Variants in DPYD observed in about 807,000 individuals in gnomAD.
DPYD encodes dihydropyrimidine dehydrogenase.
In DPYD, 109 loss-of-function variants were observed where a neutral mutation model predicts 116.2. The ratio of observed to expected loss-of-function variants is 0.94; its 90% confidence interval spans 0.80 to 1.10. The LOEUF is 1.10. DPYD is among the 50% of genes least tolerant of loss of function. The pLI is 0.00. For missense variants in DPYD, 1,302 were observed against 1,254.5 expected (o/e 1.04, Z -0.57); for synonymous variants, 440 against 432.0 (o/e 1.02, Z -0.23).
In DPYD at chr1:97,672,799, T is replaced by C. The variant is rs796793462; in HGVS notation, c.850+6296A>G. 1.2e-4 allele frequency among the ~76,000 whole-genome samples: 18 copies of C among 152,308 alleles called. No homozygotes were observed. The South Asian group carries it at 3.7e-3, about 32-fold the overall frequency. ...TTTGTGAAGGCATGAGAGATTTAAC[T>C]AAAGGCCACTCTGTAGCAAATTTAA... is the stretch of plus-strand genomic sequence containing the variant. On this transcript the variant is annotated intron_variant, in intron 8 of 22. Transcript: ENST00000370192.
In DPYD at chr1:97,195,586, ATATATATATG is replaced by A. The variant is rs1330588355; in HGVS notation, c.2443-2348_2443-2339del. Among the ~76,000 whole-genome samples the A allele has an allele frequency of 1.1e-3, 56 of 51,540 alleles. 3 individuals are homozygous for A. Among genetic ancestry groups the A allele is most frequent in the African/African-American group, 3.4e-3 (43 of 12,622 alleles). The allele number at this position is 51,540 out of a possible 152,430, so 33.8% of individuals were successfully genotyped here. A position where few individuals can be genotyped will look rare whatever the true frequency, so the allele number is the denominator to read the frequency against. On this transcript the variant is annotated intron_variant, in intron 19 of 22. Coordinates refer to ENST00000370192, the MANE Select transcript of DPYD (RefSeq NM_000110.4). ...AGAACTCTCATATATATATATATAT[ATATATATATG>A]TGTGTGTGTGTATATATATGTATGT...
intron 14 of DPYD, among the ~76,000 whole-genome samples, chr1:97,408,698 A>G (rs1398785917): frequency 6.6e-6 from 1 of 152,160 alleles, no homozygotes; most frequent in Non-Finnish European, 1.5e-5. Context: ...GGAGATTAAC[A>G]TTTGATTCAG....
intron 4 of DPYD, among the ~76,000 whole-genome samples, chr1:97,732,858 A>G (rs1663708738): frequency 6.6e-6 from 1 of 152,148 alleles, no homozygotes; most frequent in African/African-American, 2.4e-5. Context: ...TAGTCTGAAC[A>G]TGGTGCTCAA....
intron 14 of DPYD, among the ~76,000 whole-genome samples, chr1:97,449,765 A>T (rs1291786392): frequency 6.6e-6 from 1 of 152,202 alleles, no homozygotes; most frequent in East Asian, 1.9e-4. Context: ...CCAGCCACAT[A>T]CAGTGAAAAC....
chr1:97,628,915 T>C (rs1247373391), intron 8 of DPYD, among the ~76,000 whole-genome samples: 1 of 152,050 alleles, frequency 6.6e-6, no homozygotes, highest in Non-Finnish European at 1.5e-5. Flanking sequence ...TAGAACTAGA[T>C]ACCTTGAGTT....
intron 3 of DPYD, among the ~76,000 whole-genome samples, chr1:97,794,683 G>A (rs1459243652): frequency 6.6e-6 from 1 of 152,048 alleles, no homozygotes; most frequent in Admixed American, 6.6e-5. Flanking sequence ...CTTCTCTTCT[G>A]TAAAGTTACT....
chr1:97,185,396 G>T (rs777636799), intron 20 of DPYD, among the ~76,000 whole-genome samples: 22 of 152,112 alleles, frequency 1.4e-4, no homozygotes, highest in Non-Finnish European at 2.4e-4. Context: ...CTGTGAAAGA[G>T]TAAAGCCACT....
intron 14 of DPYD, among the ~76,000 whole-genome samples, chr1:97,387,235 T>C (rs1046198680): frequency 2.6e-5 from 4 of 152,082 alleles, no homozygotes; most frequent in African/African-American, 9.7e-5. Flanking sequence ...CACAGTCTGG[T>C]GGGAGATTCA....
At chr1:97,791,906 A>G (rs957454579) in intron 3 of DPYD, among the ~76,000 whole-genome samples, 2 of 152,230 alleles carry the variant, frequency 1.3e-5, no homozygotes, top group Non-Finnish European at 2.9e-5. Flanking sequence ...TGGGTAAAAA[A>G]GAAAAAAACC....
At chr1:97,529,918 C>A in intron 12 of DPYD, among the ~76,000 whole-genome samples, 1 of 141,862 alleles carries the variant, frequency 7.0e-6, no homozygotes, top group East Asian at 2.0e-4. Context: ...CTTTTCTTTT[C>A]TTTCTCTTTC....
At chr1:97,439,755 A>T (rs929581098) in intron 14 of DPYD, among the ~76,000 whole-genome samples, 6 of 150,974 alleles carry the variant, frequency 4.0e-5, no homozygotes, top group Admixed American at 2.6e-4. Context: ...TATTTTATTT[A>T]CTTTGGGTTC....
rs74106679 is a variant in DPYD at position 97,108,025 on chromosome 1, G to A, written c.2623-9393C>T. 5.8e-3 allele frequency among the ~76,000 whole-genome samples: 877 copies of A among 152,152 alleles called. 7 individuals are homozygous for A. Among genetic ancestry groups the A allele is most frequent in the African/African-American group, 0.02 (811 of 41,518 alleles). On this transcript the variant is annotated intron_variant, in intron 20 of 22. Transcript: ENST00000370192. ...GTTTATTACTGGCCTCAAGTTTAAT[G>A]AGCTCAAGTTAATACAGGTGAAAGG...
intron 11 of DPYD, among the ~76,000 whole-genome samples, chr1:97,565,054 A>G (rs555983268): frequency 6.6e-6 from 1 of 152,248 alleles, no homozygotes; most frequent in African/African-American, 2.4e-5. Context: ...GGTCAAACCT[A>G]TAACTTGAGA....
chr1:97,448,599 T>A (rs1676219959), intron 14 of DPYD, among the ~76,000 whole-genome samples: 1 of 151,322 alleles, frequency 6.6e-6, no homozygotes, highest in South Asian at 2.1e-4. Context: ...AACATATTAT[T>A]TCTTTTTATA....
intron 13 of DPYD, among the ~76,000 whole-genome samples, chr1:97,491,689 T>A (rs1308185001): frequency 6.6e-6 from 1 of 152,058 alleles, no homozygotes; most frequent in Non-Finnish European, 1.5e-5. Flanking sequence ...CAAATAACAA[T>A]ATAAACAATA....
intron 18 of DPYD, among the ~76,000 whole-genome samples, chr1:97,254,909 T>G (rs576189): frequency 6.6e-6 from 1 of 151,914 alleles, no homozygotes; most frequent in African/African-American, 2.4e-5. Flanking sequence ...GTTTTGATGC[T>G]AGAGCTTTGG....
intron 14 of DPYD, among the ~76,000 whole-genome samples, chr1:97,428,977 A>C (rs1436377132): frequency 6.6e-6 from 1 of 152,088 alleles, no homozygotes; most frequent in Non-Finnish European, 1.5e-5. Flanking sequence ...ATAAGGATTC[A>C]AATAAAATCA....
intron 2 of DPYD, among the ~76,000 whole-genome samples, chr1:97,871,780 ACTTCTCC>A (rs1177056540): frequency 1.3e-5 from 2 of 151,770 alleles, no homozygotes; most frequent in African/African-American, 4.8e-5. Flanking sequence ...GCTGCTCAGT[ACTTCTCC>A]ATGGTTTTTC....
At chr1:97,390,337 G>C (rs1459229342) in intron 14 of DPYD, among the ~76,000 whole-genome samples, 1 of 151,962 alleles carries the variant, frequency 6.6e-6, no homozygotes, top group Non-Finnish European at 1.5e-5. Flanking sequence ...TCATTCCTAA[G>C]ACTACTGGGA....
Sources: gnomAD v4.1 joint callset for allele counts (sites outside exome capture counted in the v4.1 genomes callset) on GRCh38, gnomAD v4.1.1 for gene constraint, MANE v1.5 for transcripts, NCBI Gene and HGNC (gene_info 2026-07-23, HGNC 2026-07-21) for gene names.